Variants in PLXNA4 observed in about 807,000 individuals in gnomAD.
The protein encoded by PLXNA4 is plexin A4.
Under a neutral mutation model 191.8 loss-of-function variants are expected in PLXNA4, and 44 were observed. The observed-to-expected ratio is 0.23, with a 90% CI of 0.18 to 0.29. PLXNA4 has a LOEUF of 0.29. Ranked by LOEUF, PLXNA4 falls within the 10% of genes least tolerant of loss-of-function variation. PLXNA4 has a pLI of 1.00. For missense variants in PLXNA4, 1,800 were observed against 2,488.8 expected (o/e 0.72, Z 5.89); for synonymous variants, 1,082 against 1,009.5 (o/e 1.07, Z -1.36).
chr7:132,493,758 GAT>G (rs1797898689), intron 2 of PLXNA4, among the ~76,000 whole-genome samples: 1 of 144,328 alleles, frequency 6.9e-6, no homozygotes, highest in Non-Finnish European at 1.5e-5. Context: ...TGGATGGATG[GAT>G]GGATGGATGG....
intron 1 of PLXNA4, among the ~76,000 whole-genome samples, chr7:132,562,956 T>TCCTCCTCCTCTCCCTCCTCCTCCTCC (rs1801333658): frequency 8.6e-5 from 1 of 11,606 alleles, no homozygotes; most frequent in Non-Finnish European, 2.0e-4. Flanking sequence ...CCTCCTCCTC[T>TCCTCCTCCTCTCCCTCCTCCTCCTCC]CCCTCCTCCT....
intron 2 of PLXNA4, among the ~76,000 whole-genome samples, chr7:132,585,938 C>T (rs1485498971): frequency 1.3e-5 from 2 of 152,160 alleles, no homozygotes; most frequent in African/African-American, 2.4e-5. Flanking sequence ...ATAGCAATCA[C>T]GAAGAACAAA....
chr7:132,472,580 C>G (rs156935), intron 3 of PLXNA4, among the ~76,000 whole-genome samples: 2 of 152,068 alleles, frequency 1.3e-5, no homozygotes, highest in East Asian at 1.9e-4. Flanking sequence ...CCCAGCCGAC[C>G]GCCTCCCAAG....
At chr7:132,603,018 T>C (rs1219259219) in intron 2 of PLXNA4, among the ~76,000 whole-genome samples, 1 of 152,066 alleles carries the variant, frequency 6.6e-6, no homozygotes, top group African/African-American at 2.4e-5. Context: ...CATCAATCAA[T>C]TAAAAAATGA....
At chr7:132,155,558 C>T (rs1795766567) in intron 25 of PLXNA4, among the ~76,000 whole-genome samples, 1 of 152,178 alleles carries the variant, frequency 6.6e-6, no homozygotes, top group African/African-American at 2.4e-5. Context: ...CAGGTACCTA[C>T]CCTGCCCAGA....
intron 25 of PLXNA4, among the ~76,000 whole-genome samples, chr7:132,149,787 T>C (rs1042629778): frequency 6.6e-6 from 1 of 152,192 alleles, no homozygotes; most frequent in Non-Finnish European, 1.5e-5. Context: ...GATTTCTTCC[T>C]ATGTCTCACA....
intron 15 of PLXNA4, among the ~76,000 whole-genome samples, chr7:132,185,736 T>C (rs1796858100): frequency 6.6e-6 from 1 of 152,230 alleles, no homozygotes; most frequent in South Asian, 2.1e-4. Flanking sequence ...TGGCTAAGTC[T>C]ATTTGGGGAG....
intron 13 of PLXNA4, among the ~76,000 whole-genome samples, chr7:132,195,674 A>G (rs1797234395): frequency 6.6e-6 from 1 of 152,220 alleles, no homozygotes; most frequent in South Asian, 2.1e-4. Flanking sequence ...ATTACAGGTG[A>G]GGTTTCATAA....
Position 132,507,699 on chromosome 7 carries a change from T to C in PLXNA4, c.995A>G (p.Asp332Gly), listed in dbSNP as rs922890038. The C allele has an allele frequency of 2.5e-6, 4 of 1,614,204 alleles. No homozygotes were observed. The South Asian group carries it at 3.3e-5, about 13-fold the overall frequency. ...GGAGAAGACGGTGAAGAGCAGGTCA[T>C]CATCTGGATGGACTCCAAGGGTCCT... is the stretch of plus-strand genomic sequence containing the variant. ...LGRTLGVHPD[D>G]DLLFTVFSKG... Residue 332 changes from aspartate to glycine, a missense_variant, in exon 2 of 32, where the codon GAT (aspartate) becomes GGT (glycine). Asp to Gly is a moderately conservative substitution (Grantham distance 94). This residue lies in a region of PLXNA4 where 1,397 missense variants were observed against 1,880.4 expected (regional missense o/e 0.74). Transcript: ENST00000321063.
chr7:132,206,432 T>G (rs4731855), intron 10 of PLXNA4, among the ~76,000 whole-genome samples: 116,420 of 151,478 alleles, frequency 0.77, 45,802 homozygotes, highest in African/African-American at 0.94. Flanking sequence ...ACGCTTATGT[T>G]TTCTGGTGTG....
At chr7:132,482,014 G>A (rs995221199) in intron 3 of PLXNA4, among the ~76,000 whole-genome samples, 2 of 152,166 alleles carry the variant, frequency 1.3e-5, no homozygotes, top group African/African-American at 4.8e-5. Context: ...GAGGAAGGCC[G>A]TGTCCTTTTC....
chr7:132,451,381 T>C (rs2117302884), intron 3 of PLXNA4, among the ~76,000 whole-genome samples: 1 of 152,258 alleles, frequency 6.6e-6, no homozygotes, highest in Middle Eastern at 3.4e-3. Context: ...GCTGCTGACG[T>C]CACATCAGTA....
At chr7:132,173,335 G>A (rs931585182) in intron 21 of PLXNA4, among the ~76,000 whole-genome samples, 8 of 152,166 alleles carry the variant, frequency 5.3e-5, no homozygotes, top group Non-Finnish European at 7.4e-5. Flanking sequence ...CAGGATACAC[G>A]TTATGTTTTT....
intron 2 of PLXNA4, among the ~76,000 whole-genome samples, chr7:132,593,473 G>A (rs1802642881): frequency 6.6e-6 from 1 of 152,214 alleles, no homozygotes. Context: ...CCTCTCCTAG[G>A]CAAAGATGGA....
chr7:132,133,505 A>T (rs920310983), intron 30 of PLXNA4, among the ~76,000 whole-genome samples: 3 of 152,000 alleles, frequency 2.0e-5, no homozygotes, highest in African/African-American at 7.3e-5. Flanking sequence ...CTTTGCTCTC[A>T]GCTACCACAC....
intron 2 of PLXNA4, among the ~76,000 whole-genome samples, chr7:132,641,480 A>G (rs1803742392): frequency 6.6e-6 from 1 of 151,952 alleles, no homozygotes; most frequent in South Asian, 2.1e-4. Flanking sequence ...ACCTTATTTA[A>G]CCTTAATTAC....
chr7:132,133,816 AG>A (rs1415102458), intron 30 of PLXNA4, among the ~76,000 whole-genome samples: 5 of 152,114 alleles, frequency 3.3e-5, no homozygotes, highest in Admixed American at 1.3e-4. Flanking sequence ...CCCCCACCAG[AG>A]GGGGGTTGCG....
At chr7:132,348,452 G>A (rs762329486) in intron 3 of PLXNA4, among the ~76,000 whole-genome samples, 3 of 152,168 alleles carry the variant, frequency 2.0e-5, no homozygotes, top group Non-Finnish European at 2.9e-5. Context: ...AGGTTAGTCC[G>A]TCCTCACTCC....
chr7:132,182,663 A>G (rs66521955), intron 16 of PLXNA4, among the ~76,000 whole-genome samples: 17,069 of 152,146 alleles, frequency 0.11, 1,463 homozygotes, highest in African/African-American at 0.21. Context: ...CCCCAGGGCA[A>G]TCGTTCTATA....
Sources: allele counts gnomAD v4.1 joint callset (sites outside exome capture counted in the v4.1 genomes callset), GRCh38; gene constraint gnomAD v4.1.1; regional missense constraint gnomAD v4.1.1; transcripts MANE v1.5; gene names NCBI Gene and HGNC (gene_info 2026-07-23, HGNC 2026-07-21).